Variants in RHOJ observed in about 807,000 individuals in gnomAD.
The protein encoded by RHOJ is ras homolog family member J, also known as rho-related GTP-binding protein RhoJ.
A neutral mutation model predicts 23.4 loss-of-function variants in RHOJ; 11 were observed. The observed-to-expected ratio is 0.47, with a 90% CI of 0.30 to 0.78. The LOEUF is 0.78. Ranked by LOEUF, RHOJ falls within the 30% of genes least tolerant of loss-of-function variation. The pLI is 0.08. For synonymous variants in RHOJ, 102 were observed against 102.7 expected, an observed-to-expected ratio of 0.99 and a Z score of 0.04; for missense variants, 254 against 273.4, an observed-to-expected ratio of 0.93 and a Z score of 0.50.
At chr14:63,289,508 G>A (rs778076826) in intron 4 of RHOJ, among the ~76,000 whole-genome samples, 8 of 152,250 alleles carry the variant, frequency 5.3e-5, no homozygotes, top group Non-Finnish European at 8.8e-5. Context: ...ATTTTTCAAA[G>A]TGATTCTTAA....
intron 1 of RHOJ, among the ~76,000 whole-genome samples, chr14:63,207,722 T>A (rs915338471): frequency 3.9e-5 from 6 of 152,232 alleles, no homozygotes; most frequent in Non-Finnish European, 7.3e-5. Flanking sequence ...CCGGTTCTAA[T>A]ACTGGCTCTG....
chr14:63,272,897 C>T (rs75341003), intron 2 of RHOJ, among the ~76,000 whole-genome samples: 11,416 of 152,216 alleles, frequency 0.075, 534 homozygotes, highest in East Asian at 0.2. Context: ...GTGGCGCGCA[C>T]CTGTAATCCC....
intron 1 of RHOJ, among the ~76,000 whole-genome samples, chr14:63,239,357 C>T (rs184954713): frequency 6.6e-6 from 1 of 152,284 alleles, no homozygotes; most frequent in Admixed American, 6.5e-5. Flanking sequence ...AGTGATCCGC[C>T]CGCCTCAGCC....
intron 2 of RHOJ, among the ~76,000 whole-genome samples, chr14:63,274,493 T>C (rs538666148): frequency 2.7e-4 from 41 of 152,286 alleles, no homozygotes; most frequent in African/African-American, 7.2e-4. Flanking sequence ...GTCTTATTAC[T>C]ACTCAGTTCA....
At chr14:63,235,156 C>G (rs1894766451) in intron 1 of RHOJ, among the ~76,000 whole-genome samples, 1 of 151,266 alleles carries the variant, frequency 6.6e-6, no homozygotes. Flanking sequence ...CATATCAAAA[C>G]TATTACTGGT....
At position 63,213,721 on chromosome 14, in the gene RHOJ, G is replaced by C. The variant is rs1299610733; in HGVS notation, c.178+8674G>C. Among the ~76,000 whole-genome samples, 3 of 152,176 alleles carry C rather than the reference G, an allele frequency of 2.0e-5. No individual in the cohort carries two copies. The East Asian group carries it at 5.8e-4, about 29-fold the overall frequency. The stretch of plus-strand genomic sequence containing the variant: ...GAGACCTTGGCAGGTCTTCAGGTTG[G>C]TGAGATAGTTCTGTTCCATGTAGTC... On this transcript the variant is annotated intron_variant, in intron 1 of 4. Transcript: ENST00000316754.
In RHOJ at chr14:63,209,109, A is replaced by G. The variant is rs144072701; in HGVS notation, c.178+4062A>G. Among the ~76,000 whole-genome samples the G allele has an allele frequency of 1.3e-3, 193 of 152,232 alleles. 1 individual carries two copies. Among genetic ancestry groups the G allele is most frequent in the African/African-American group, 4.4e-3 (184 of 41,542 alleles). The stretch of plus-strand genomic sequence containing the variant: ...ACATTCAAAATACATCCCAAACCTG[A>G]TCACTTATCACCGTCTTCATTGCCT... On this transcript the variant is annotated intron_variant, in intron 1 of 4. Transcript: ENST00000316754.
At chr14:63,278,910 CG>C (rs1286430418) in intron 2 of RHOJ, among the ~76,000 whole-genome samples, 4 of 152,114 alleles carry the variant, frequency 2.6e-5, no homozygotes, top group Admixed American at 2.6e-4. Context: ...CGCTTGAGCC[CG>C]GCAGTCTGAA....
chr14:63,277,797 G>T (rs1296668663), intron 2 of RHOJ, among the ~76,000 whole-genome samples: 2 of 152,146 alleles, frequency 1.3e-5, no homozygotes, highest in Non-Finnish European at 2.9e-5. Flanking sequence ...GAGACTTCTT[G>T]GCTCACGGGC....
At chr14:63,234,243 T>C (rs944041299) in intron 1 of RHOJ, among the ~76,000 whole-genome samples, 1 of 152,190 alleles carries the variant, frequency 6.6e-6, no homozygotes, top group Non-Finnish European at 1.5e-5. Flanking sequence ...GGGTCAAGCA[T>C]ACAGTGGGTC....
intron 1 of RHOJ, among the ~76,000 whole-genome samples, chr14:63,237,436 T>G (rs1894809757): frequency 6.6e-6 from 1 of 152,226 alleles, no homozygotes; most frequent in South Asian, 2.1e-4. Context: ...TCAGATCAAT[T>G]GCAGTCCCCA....
intron 1 of RHOJ, among the ~76,000 whole-genome samples, chr14:63,242,425 C>T (rs1351464408): frequency 6.6e-6 from 1 of 152,074 alleles, no homozygotes; most frequent in Non-Finnish European, 1.5e-5. Context: ...AAAAATTAGC[C>T]AGACGTGGTG....
Position 63,285,356 on chromosome 14 carries a change from T to C in RHOJ, c.498+2140T>C, listed in dbSNP as rs544251104. ...CTCCTATAATCTGAAAAGAAACCTT[T>C]AGGTTTGGGGCTTCTTTTTTATATA... On this transcript the variant is annotated intron_variant, in intron 4 of 4. Coordinates refer to ENST00000316754, the MANE Select transcript of RHOJ (RefSeq NM_020663.5). 7.9e-5 allele frequency among the ~76,000 whole-genome samples: 12 copies of C among 152,308 alleles called. No individual in the cohort carries two copies. The East Asian group carries it at 2.3e-3, about 29-fold the overall frequency.
chr14:63,232,673 T>C (rs1334116450), intron 1 of RHOJ, among the ~76,000 whole-genome samples: 3 of 151,762 alleles, frequency 2.0e-5, no homozygotes, highest in Non-Finnish European at 2.9e-5. Flanking sequence ...AATTCATCCA[T>C]TTAAAGTCTT....
intron 1 of RHOJ, among the ~76,000 whole-genome samples, chr14:63,248,508 A>G (rs1204167420): frequency 6.6e-6 from 1 of 152,176 alleles, no homozygotes. Context: ...AGGGAATTCC[A>G]TATTTTACTA....
intron 2 of RHOJ, 141 bp downstream of exon 2, chr14:63,269,309 C>T (rs184679687): frequency 2.6e-5 from 14 of 531,054 alleles, no homozygotes; most frequent in South Asian, 6.7e-5. Context: ...GCCTAAATGA[C>T]GACCAAAAGC....
rs1010390461 is a variant in RHOJ at position 63,293,387 on chromosome 14, G to A, written c.*2363G>A. 2.0e-5 allele frequency among the ~76,000 whole-genome samples: 3 copies of A among 152,182 alleles called. No individual in the cohort carries two copies. The highest frequency in any genetic ancestry group is 4.4e-5 in the Non-Finnish European group (3 of 68,028). On this transcript the variant is annotated 3_prime_UTR_variant, in exon 5 of 5. Coordinates refer to ENST00000316754, the MANE Select transcript of RHOJ (RefSeq NM_020663.5). ...GGGCCACAGGAAGTAAGTTGATCTT[G>A]ATGGGGAGATCACGTCACCCAGAAC...
intron 1 of RHOJ, among the ~76,000 whole-genome samples, chr14:63,266,284 T>C (rs1332647248): frequency 6.6e-6 from 1 of 152,200 alleles, no homozygotes; most frequent in African/African-American, 2.4e-5. Context: ...TCACAAGACC[T>C]CTGTTTTCAT....
At chr14:63,272,894 G>A (rs989122102) in intron 2 of RHOJ, among the ~76,000 whole-genome samples, 6 of 152,144 alleles carry the variant, frequency 3.9e-5, no homozygotes, top group Admixed American at 6.5e-5. Flanking sequence ...ATGGTGGCGC[G>A]CACCTGTAAT....
Sources: allele counts gnomAD v4.1 joint callset (sites outside exome capture counted in the v4.1 genomes callset), GRCh38; gene constraint gnomAD v4.1.1; transcripts MANE v1.5; gene names NCBI Gene and HGNC (gene_info 2026-07-23, HGNC 2026-07-21).